The following FZD5 variants were observed in gnomAD, a reference collection of about 807,000 sequenced individuals.
The protein encoded by FZD5 is frizzled class receptor 5, also known as frizzled-5.
Under a neutral mutation model 40.8 loss-of-function variants are expected in FZD5, and 12 were observed. That is an observed-to-expected ratio of 0.29 (90% CI 0.19 to 0.48). FZD5 has a LOEUF of 0.48. FZD5 is among the 20% of genes least tolerant of loss of function. The probability of loss-of-function intolerance (pLI) is 0.99; values close to 1 mark genes in which losing one functional copy is unlikely to be tolerated. For synonymous variants in FZD5, 380 were observed against 383.7 expected (o/e 0.99, Z 0.11); for missense variants, 622 against 832.8 (o/e 0.75, Z 3.12).
chr2:207,766,597 T>C lies in FZD5; in HGVS notation c.*385A>G, dbSNP rs186942485. The C allele has an allele frequency of 2.5e-4, 42 of 170,740 alleles. No homozygotes were observed. The South Asian group carries it at 3.4e-3, about 14-fold the overall frequency. 10.6% of individuals were successfully genotyped at this position (170,740 alleles called of 1,614,324 possible). ...ACGTATAGGAAATATATTTTCCCAA[T>C]TGAGACCACACAGTTCAAAGAAACC... On this transcript the variant is annotated 3_prime_UTR_variant, in exon 2 of 2. Coordinates refer to ENST00000295417, the MANE Select transcript of FZD5 (RefSeq NM_003468.4).
intron 1 of FZD5, 55 bp from the exon 2 acceptor site, chr2:207,769,049 G>A: frequency 4.8e-6 from 2 of 418,012 alleles, no homozygotes; most frequent in South Asian, 3.8e-5. Context: ...TTGGAGAGGC[G>A]TCAACAGTTC....
chr2:207,767,316 C>T lies in FZD5; in HGVS notation c.1424G>A (p.Arg475His). ...VACYLYEQHY[R>H]ESWEAALTCA... is the part of the protein sequence containing the mutation. Reference sequence around the variant, plus strand: ...GGTGAGCGCCGCCTCCCAGCTCTCGCGGTAGTGCTGCTCGTACAGGTAGCA... The same window carrying T: ...GGTGAGCGCCGCCTCCCAGCTCTCGTGGTAGTGCTGCTCGTACAGGTAGCA... The change falls in exon 2 of 2, where the codon CGC becomes CAC. Residue 475 changes from arginine (R) to histidine (H), a missense_variant. Coordinates refer to ENST00000295417, the MANE Select transcript of FZD5 (RefSeq NM_003468.4). 6.2e-7 allele frequency: 1 copy of T among 1,611,738 alleles called. No homozygotes were observed.
Position 207,767,790 on chromosome 2 carries a change from A to G in FZD5, c.950T>C (p.Ile317Thr), listed in dbSNP as rs2105851508. The G allele has an allele frequency of 1.2e-6, 2 of 1,613,454 alleles. No homozygotes were observed. The highest frequency in any genetic ancestry group is 1.1e-5 in the South Asian group (1 of 90,914). Residue 317 changes from isoleucine to threonine, a missense_variant, in exon 2 of 2, where the codon ATC becomes ACC. Coordinates refer to ENST00000295417, the MANE Select transcript of FZD5 (RefSeq NM_003468.4). ...YETTGPALCTIVFLLVYFFGM... is the reference protein window; with the variant it reads ...YETTGPALCTTVFLLVYFFGM... ...GAAGAAGTAGACCAGGAGGAAGACG[A>G]TGGTGCACAGTGCAGGGCCCGTGGT...
At position 207,765,687 on chromosome 2, in the gene FZD5, C is replaced by T. The variant is rs1386225834; in HGVS notation, c.*1295G>A. The T allele has an allele frequency of 6.6e-6, 1 of 152,534 alleles. No homozygotes were observed. Among genetic ancestry groups the T allele is most frequent in the Non-Finnish European group, 1.5e-5 (1 of 68,042 alleles). The allele number at this position is 152,534 out of a possible 1,614,324, so 9.4% of individuals were successfully genotyped here. On this transcript the variant is annotated 3_prime_UTR_variant, in exon 2 of 2. Transcript: ENST00000295417. ...TGTTTTCAGAGACGGCAGAGAGCAA[C>T]GTCTTGCTGCTCTTGGAATATCTGG...
rs2091968201 is a variant in FZD5, at chr2:207,764,234, C to T, written c.*2748G>A. 1 of 152,238 alleles carries T rather than the reference C, an allele frequency of 6.6e-6. No individual in the cohort carries two copies. The highest frequency in any genetic ancestry group is 2.4e-5 in the African/African-American group (1 of 41,428). The allele number at this position is 152,238 out of a possible 1,614,324, so 9.4% of individuals were successfully genotyped here. On this transcript the variant is annotated 3_prime_UTR_variant, in exon 2 of 2. Transcript: ENST00000295417. ...GACTCCAATGGGCCCTAAGTCCTCCCCAGCTCCACAAAGCTGGCTGTGAAG... is the reference window on the plus strand; with the variant it reads ...GACTCCAATGGGCCCTAAGTCCTCCTCAGCTCCACAAAGCTGGCTGTGAAG...
rs1575235668 is a variant in FZD5, at chr2:207,768,849, C to T, written c.-110G>A. The T allele has an allele frequency of 1.1e-6, 1 of 888,562 alleles. No homozygotes were observed. Among genetic ancestry groups the T allele is most frequent in the Non-Finnish European group, 1.7e-6 (1 of 590,892 alleles). 55.0% of individuals were successfully genotyped at this position (888,562 alleles called of 1,614,324 possible). A position where few individuals can be genotyped will look rare whatever the true frequency, so the allele number is the denominator to read the frequency against. On this transcript the variant is annotated 5_prime_UTR_variant, in exon 2 of 2. Coordinates refer to ENST00000295417, the MANE Select transcript of FZD5 (RefSeq NM_003468.4). ...GTCTCGTGTGTGGCGCCGGGGCTGGCAACCTGTTGGTTGCTTTTTCCTTTA... is the reference window on the plus strand; with the variant it reads ...GTCTCGTGTGTGGCGCCGGGGCTGGTAACCTGTTGGTTGCTTTTTCCTTTA...
In FZD5 at chr2:207,765,117, T is replaced by G. The variant is rs975547888; in HGVS notation, c.*1865A>C. On this transcript the variant is annotated 3_prime_UTR_variant, in exon 2 of 2. Transcript: ENST00000295417. ...TTAATACTAGGTTTCTTCCCACCAG[T>G]AAAGTGTTTAAATTCCCCCTGGGAA... is the stretch of plus-strand genomic sequence containing the variant. 1 of 152,234 alleles carries G rather than the reference T, an allele frequency of 6.6e-6. No homozygotes were observed. The highest frequency in any genetic ancestry group is 1.5e-5 in the Non-Finnish European group (1 of 68,040). 9.4% of individuals were successfully genotyped at this position (152,234 alleles called of 1,614,324 possible). A position where few individuals can be genotyped will look rare whatever the true frequency, so the allele number is the denominator to read the frequency against.
Position 207,767,115 on chromosome 2 carries a change from C to T in FZD5, c.1625G>A (p.Arg542Gln), listed in dbSNP as rs754063870. Residue 542 changes from arginine to glutamine, a missense_variant, in exon 2 of 2, where the codon CGG (arginine) becomes CAG (glutamine). Coordinates refer to ENST00000295417, the MANE Select transcript of FZD5 (RefSeq NM_003468.4). ...RFTSRCCCRPRRGHKSGGAMA... is the reference protein window; with the variant it reads ...RFTSRCCCRPQRGHKSGGAMA... ...GGCGCCCCCGCTCTTGTGGCCGCGC[C>T]GCGGGCGGCAGCAGCAGCGGCTGGT... 3 of 1,564,702 alleles carry T rather than the reference C, an allele frequency of 1.9e-6. No homozygotes were observed. Among genetic ancestry groups the T allele is most frequent in the African/African-American group, 2.7e-5 (2 of 73,756 alleles).
rs1210612151 is a variant in FZD5, at chr2:207,769,871, C to A, written c.-862G>T. Among the ~76,000 whole-genome samples, 1 of 152,046 alleles carries A rather than the reference C, an allele frequency of 6.6e-6. No homozygotes were observed. Among genetic ancestry groups the A allele is most frequent in the African/African-American group, 2.4e-5 (1 of 41,436 alleles). On this transcript the variant is annotated 5_prime_UTR_variant, in exon 1 of 2. Coordinates refer to ENST00000295417, the MANE Select transcript of FZD5 (RefSeq NM_003468.4). Reference sequence around the variant, plus strand: ...GCACGGAACCGCGCGCGGCGGCGACCACAGCGGACTCACGGCCGCAGGCTG... The same window carrying A: ...GCACGGAACCGCGCGCGGCGGCGACAACAGCGGACTCACGGCCGCAGGCTG...
chr2:207,767,524 C>T lies in FZD5; in HGVS notation c.1216G>A (p.Gly406Ser). 1 of 1,609,704 alleles carries T rather than the reference C, an allele frequency of 6.2e-7. No homozygotes were observed. Among genetic ancestry groups the T allele is most frequent in the Non-Finnish European group, 8.5e-7 (1 of 1,179,880 alleles). Residue 406 changes from glycine (G) to serine (S), a missense_variant, in exon 2 of 2, where the codon GGC (glycine) becomes AGC (serine). Physicochemically the swap from Gly to Ser is moderately conservative, Grantham distance 56 (BLOSUM62 0). Transcript: ENST00000295417. ...ACCAGCAGGTAGAGCACCAGCGGGCCCAGCACGAAGCCGCGCAGCGAGTTC... is the reference window on the plus strand; with the variant it reads ...ACCAGCAGGTAGAGCACCAGCGGGCTCAGCACGAAGCCGCGCAGCGAGTTC... ...NLNSLRGFVL[G>S]PLVLYLLVGT...
chr2:207,767,420 C>A lies in FZD5; in HGVS notation c.1320G>T (p.Thr440=). Reference sequence around the variant, plus strand: ...GGATCATGAGCTTCTCCAGCTTGTCCGTCTTGGTGCCGCCCTGCTTGATGA... The same window carrying A: ...GGATCATGAGCTTCTCCAGCTTGTCAGTCTTGGTGCCGCCCTGCTTGATGA... The part of the protein sequence containing the change: ...RSVIKQGGTK[T]DKLEKLMIRI... Residue 440 remains threonine (T), a synonymous_variant, in exon 2 of 2, where the codon ACG becomes ACT. Coordinates refer to ENST00000295417, the MANE Select transcript of FZD5 (RefSeq NM_003468.4). 2 of 1,612,706 alleles carry A rather than the reference C, an allele frequency of 1.2e-6. No individual in the cohort carries two copies. The highest frequency in any genetic ancestry group is 8.5e-7 in the Non-Finnish European group (1 of 1,179,958).
Position 207,764,432 on chromosome 2 carries a change from G to C in FZD5, c.*2550C>G, listed in dbSNP as rs551062600. 224 of 152,262 alleles carry C rather than the reference G, an allele frequency of 1.5e-3. No individual in the cohort carries two copies. The highest frequency in any genetic ancestry group is 3.4e-3 in the Middle Eastern group (1 of 294). 9.4% of individuals were successfully genotyped at this position (152,262 alleles called of 1,614,324 possible). On this transcript the variant is annotated 3_prime_UTR_variant, in exon 2 of 2. Transcript: ENST00000295417. ...GGTGGCTGATCTCAGTAAGACTTAG[G>C]GATGCAGGTGGGCTTTTATCTTTGT...
In FZD5 at chr2:207,768,129, T is replaced by G; in HGVS notation, c.611A>C (p.His204Pro). 1 of 1,612,536 alleles carries G rather than the reference T, an allele frequency of 6.2e-7. No individual in the cohort carries two copies. Among genetic ancestry groups the G allele is most frequent in the East Asian group, 2.2e-5 (1 of 44,848 alleles). The change falls in exon 2 of 2, where the codon CAC becomes CCC. Residue 204 changes from histidine to proline, a missense_variant. Coordinates refer to ENST00000295417, the MANE Select transcript of FZD5 (RefSeq NM_003468.4). ...CGTCCGCACCTTGTTGTAGAGCGGG[T>G]GTGACTCCTTCAGAATGGGCACGAA... Reference protein sequence around the residue: ...EPFVPILKESHPLYNKVRTGQ... With the variant: ...EPFVPILKESPPLYNKVRTGQ...
chr2:207,768,551 C>T lies in FZD5; in HGVS notation c.189G>A (p.Ala63=). ...NQFNHDTQDE[A]GLEVHQFWPL... is the part of the protein sequence containing the mutation. ...GCCAGAACTGGTGCACCTCCAGGCC[C>T]GCCTCGTCCTGCGTGTCGTGGTTGA... Residue 63 remains alanine (A), a synonymous_variant, in exon 2 of 2, where the codon GCG becomes GCA. Transcript: ENST00000295417. 6.2e-7 allele frequency: 1 copy of T among 1,613,984 alleles called. No homozygotes were observed. The highest frequency in any genetic ancestry group is 8.5e-7 in the Non-Finnish European group (1 of 1,179,876).
chr2:207,766,826 G>T lies in FZD5; in HGVS notation c.*156C>A. On this transcript the variant is annotated 3_prime_UTR_variant, in exon 2 of 2. Transcript: ENST00000295417. ...GCCCCTTGGAGAAGACCTGGGACAG[G>T]TTCTTCCTCGAAAACGCCCCTCTTC... 1.8e-6 allele frequency: 1 copy of T among 550,954 alleles called. No individual in the cohort carries two copies. The highest frequency in any genetic ancestry group is 3.0e-6 in the Non-Finnish European group (1 of 328,544). The allele number at this position is 550,954 out of a possible 1,614,324, so 34.1% of individuals were successfully genotyped here. A position where few individuals can be genotyped will look rare whatever the true frequency, so the allele number is the denominator to read the frequency against.
chr2:207,768,446 G>A lies in FZD5; in HGVS notation c.294C>T (p.Tyr98=), dbSNP rs1340718740. 6.2e-7 allele frequency: 1 copy of A among 1,609,612 alleles called. No individual in the cohort carries two copies. Among genetic ancestry groups the A allele is most frequent in the South Asian group, 1.1e-5 (1 of 91,070 alleles). The change falls in exon 2 of 2, where the codon TAC becomes TAT. Residue 98 remains tyrosine (Y), a synonymous_variant. Transcript: ENST00000295417. ...SMYTPICLPD[Y]HKPLPPCRSV... is the part of the protein sequence containing the mutation. ...AGCGGCAGGGCGGCAGCGGCTTGTG[G>A]TAGTCGGGCAGACAGATGGGCGTGT...
Position 207,767,841 on chromosome 2 carries a change from C to G in FZD5, c.899G>C (p.Arg300Pro), listed in dbSNP as rs771736496. 161 of 1,601,990 alleles carry G rather than the reference C, an allele frequency of 1.0e-4. No homozygotes were observed. Among genetic ancestry groups the G allele is most frequent in the Non-Finnish European group, 1.3e-4 (152 of 1,174,476 alleles). Residue 300 changes from arginine (R) to proline (P), a missense_variant, in exon 2 of 2, where the codon CGC (arginine) becomes CCC (proline). Coordinates refer to ENST00000295417, the MANE Select transcript of FZD5 (RefSeq NM_003468.4). ...CTCGTAGTGGATGTGGTTGTGCTCG[C>G]GGCTGCAGGCCACGCTGGCATGGCC... Reference protein sequence around the residue: ...VVGHASVACSREHNHIHYETT... With the variant: ...VVGHASVACSPEHNHIHYETT...
chr2:207,767,543 C>A lies in FZD5; in HGVS notation c.1197G>T (p.Ser399=). ...ICYVGNQNLN[S]LRGFVLGPLV... ...GCGGGCCCAGCACGAAGCCGCGCAGCGAGTTCAGGTTCTGGTTGCCCACGT... is the reference window on the plus strand; with the variant it reads ...GCGGGCCCAGCACGAAGCCGCGCAGAGAGTTCAGGTTCTGGTTGCCCACGT... The change falls in exon 2 of 2, where the codon TCG becomes TCT. Residue 399 remains serine, a synonymous_variant. Coordinates refer to ENST00000295417, the MANE Select transcript of FZD5 (RefSeq NM_003468.4). 6.2e-7 allele frequency: 1 copy of A among 1,610,456 alleles called. No individual in the cohort carries two copies. Among genetic ancestry groups the A allele is most frequent in the Non-Finnish European group, 8.5e-7 (1 of 1,179,882 alleles).
Position 207,767,237 on chromosome 2 carries a change from C to G in FZD5, c.1503G>C (p.Trp501Cys), listed in dbSNP as rs1383591847. 6.2e-7 allele frequency: 1 copy of G among 1,610,304 alleles called. No homozygotes were observed. The highest frequency in any genetic ancestry group is 8.5e-7 in the Non-Finnish European group (1 of 1,178,774). ...TGQPRAKPEYWVLMLKYFMCL... is the reference protein window; with the variant it reads ...TGQPRAKPEYCVLMLKYFMCL... ...ACATGAAGTACTTGAGCATGAGCAC[C>G]CAGTACTCGGGCTTGGCGCGCGGCT... The change falls in exon 2 of 2, where the codon TGG becomes TGC. Residue 501 changes from tryptophan (W) to cysteine (C), a missense_variant. Trp to Cys is a radical substitution (Grantham distance 215, BLOSUM62 -2). Around this residue, in one of 4 missense-constraint regions of FZD5, gnomAD observed 154 missense variants for 152.1 expected, o/e 1.01. Transcript: ENST00000295417.
Sources: allele counts gnomAD v4.1 joint callset (sites outside exome capture counted in the v4.1 genomes callset), GRCh38; gene constraint gnomAD v4.1.1; regional missense constraint gnomAD v4.1.1; transcripts MANE v1.5; gene names NCBI Gene and HGNC (gene_info 2026-07-23, HGNC 2026-07-21).